KLHL1: variants seen among roughly 807,000 people sequenced by gnomAD.
KLHL1 encodes kelch-like protein 1.
In KLHL1, 47 loss-of-function variants were observed where a neutral mutation model predicts 77.7. The ratio of observed to expected loss-of-function variants is 0.60; its 90% confidence interval spans 0.48 to 0.77. The LOEUF (loss-of-function observed/expected upper bound fraction) is 0.77, where lower values mean the gene tolerates loss of function less well. KLHL1 is among the 30% of genes least tolerant of loss of function. The probability of loss-of-function intolerance (pLI) is 0.00; values close to 1 mark genes in which losing one functional copy is unlikely to be tolerated. For synonymous variants in KLHL1, 360 were observed against 325.2 expected, an observed-to-expected ratio of 1.11 and a Z score of -1.15; for missense variants, 925 against 910.8, an observed-to-expected ratio of 1.02 and a Z score of -0.20.
At chr13:69,824,832 C>T (rs1878481184) in intron 6 of KLHL1, among the ~76,000 whole-genome samples, 1 of 152,048 alleles carries the variant, frequency 6.6e-6, no homozygotes, top group Non-Finnish European at 1.5e-5. Flanking sequence ...GTTTGGGTTA[C>T]ATACCTGTAT....
At chr13:69,982,437 A>AAATAAT (rs34183465) in intron 1 of KLHL1, among the ~76,000 whole-genome samples, 15,396 of 135,528 alleles carry the variant, frequency 0.11, 947 homozygotes, top group Admixed American at 0.14. Flanking sequence ...CTCCATCTCC[A>AAATAAT]AATAATAATA....
rs1357528345 is a variant in KLHL1 at position 70,084,181 on chromosome 13, ATACACACACATG to A, written c.497+23010_497+23021del. On this transcript the variant is annotated intron_variant, in intron 1 of 10. Transcript: ENST00000377844. ...AATCATGAGGAAGGTACTTTAAATT[ATACACACACATG>A]TACACACACAGTAAATTAATCTGTT... Among the ~76,000 whole-genome samples, 5 of 152,186 alleles carry A rather than the reference ATACACACACATG, an allele frequency of 3.3e-5. No homozygotes were observed. The East Asian group carries it at 9.6e-4, about 29-fold the overall frequency.
chr13:69,912,760 C>A (rs974584582), intron 4 of KLHL1, among the ~76,000 whole-genome samples: 39 of 152,036 alleles, frequency 2.6e-4, no homozygotes, highest in Non-Finnish European at 3.5e-4. Context: ...TGTCGTCTAG[C>A]CTTTTCTTTT....
At chr13:70,000,548 T>C (rs1885263190) in intron 1 of KLHL1, among the ~76,000 whole-genome samples, 2 of 151,946 alleles carry the variant, frequency 1.3e-5, no homozygotes, top group Non-Finnish European at 2.9e-5. Flanking sequence ...GTATTTGGAA[T>C]ATTAATACAA....
intron 1 of KLHL1, among the ~76,000 whole-genome samples, chr13:70,005,986 A>T (rs1885396335): frequency 6.6e-6 from 1 of 151,940 alleles, no homozygotes; most frequent in Non-Finnish European, 1.5e-5. Flanking sequence ...CTAAAACTTT[A>T]CTTCTATTTA....
At chr13:69,781,517 A>G (rs547471082) in intron 7 of KLHL1, among the ~76,000 whole-genome samples, 4 of 152,242 alleles carry the variant, frequency 2.6e-5, no homozygotes, top group African/African-American at 7.2e-5. Flanking sequence ...CAAAAGCCTC[A>G]TATCCATCTG....
intron 9 of KLHL1, among the ~76,000 whole-genome samples, chr13:69,715,191 T>C (rs1876062214): frequency 6.6e-6 from 1 of 152,156 alleles, no homozygotes; most frequent in Non-Finnish European, 1.5e-5. Flanking sequence ...TAGCATAGAA[T>C]CCTTGATATG....
intron 6 of KLHL1, among the ~76,000 whole-genome samples, chr13:69,833,770 T>C (rs1181009818): frequency 9.2e-5 from 13 of 140,738 alleles, no homozygotes; most frequent in African/African-American, 3.5e-4. Flanking sequence ...TATATATACA[T>C]ACATACATAC....
chr13:69,736,064 G>A (rs1387015220), intron 8 of KLHL1, among the ~76,000 whole-genome samples: 2 of 152,066 alleles, frequency 1.3e-5, no homozygotes, highest in Non-Finnish European at 2.9e-5. Context: ...AAAAAGTTCT[G>A]CACAGCAAAA....
intron 1 of KLHL1, among the ~76,000 whole-genome samples, chr13:70,083,482 G>T (rs1055145734): frequency 9.2e-5 from 14 of 152,226 alleles, no homozygotes; most frequent in African/African-American, 3.4e-4. Context: ...ATTTCTGAAG[G>T]AGAATGAGAT....
intron 1 of KLHL1, among the ~76,000 whole-genome samples, chr13:70,035,960 G>C (rs986881061): frequency 6.6e-6 from 1 of 152,026 alleles, no homozygotes; most frequent in Non-Finnish European, 1.5e-5. Flanking sequence ...TAGCAATTAT[G>C]TAATACATTA....
At chr13:69,739,585 C>A (rs759451983) in intron 8 of KLHL1, among the ~76,000 whole-genome samples, 5 of 152,204 alleles carry the variant, frequency 3.3e-5, no homozygotes, top group South Asian at 2.1e-4. Flanking sequence ...CAGAAAAAAG[C>A]AGGGGTTGCA....
intron 1 of KLHL1, among the ~76,000 whole-genome samples, chr13:70,016,899 C>A (rs1336849302): frequency 6.6e-6 from 1 of 152,080 alleles, no homozygotes; most frequent in African/African-American, 2.4e-5. Context: ...CCTTTCTGAG[C>A]CCATAAAAAC....
At chr13:69,812,096 T>G (rs548517010) in intron 6 of KLHL1, among the ~76,000 whole-genome samples, 15 of 152,302 alleles carry the variant, frequency 9.8e-5, no homozygotes, top group African/African-American at 3.6e-4. Context: ...GATTCTGGTA[T>G]GTTGTGTCTT....
intron 1 of KLHL1, among the ~76,000 whole-genome samples, chr13:70,033,303 G>T (rs1219831953): frequency 1.3e-5 from 2 of 151,916 alleles, no homozygotes; most frequent in East Asian, 1.9e-4. Context: ...GTTTTGTTTT[G>T]TTTTGAGACA....
At chr13:69,834,303 T>C (rs1266614063) in intron 6 of KLHL1, among the ~76,000 whole-genome samples, 5 of 151,838 alleles carry the variant, frequency 3.3e-5, no homozygotes, top group Non-Finnish European at 7.4e-5. Flanking sequence ...TAAATATATA[T>C]ATATATGTAT....
chr13:69,827,836 C>CAACAACAACAACA, intron 6 of KLHL1, among the ~76,000 whole-genome samples: 2 of 150,316 alleles, frequency 1.3e-5, no homozygotes, highest in Non-Finnish European at 3.0e-5. Context: ...GAATTACACA[C>CAACAACAACAACA]AATCCTGATT....
chr13:69,974,057 G>C (rs908157158), intron 2 of KLHL1, among the ~76,000 whole-genome samples: 6 of 151,822 alleles, frequency 4.0e-5, no homozygotes, highest in Admixed American at 3.3e-4. Flanking sequence ...TTGTGGTCTC[G>C]TGCTACCCGA....
intron 1 of KLHL1, among the ~76,000 whole-genome samples, chr13:70,066,475 A>G (rs1176377936): frequency 6.6e-6 from 1 of 152,230 alleles, no homozygotes; most frequent in Non-Finnish European, 1.5e-5. Flanking sequence ...TATACAGGTC[A>G]ATGAGTTATG....
Sources: gnomAD v4.1 joint callset for allele counts (sites outside exome capture counted in the v4.1 genomes callset) on GRCh38, gnomAD v4.1.1 for gene constraint, MANE v1.5 for transcripts, NCBI Gene and HGNC (gene_info 2026-07-23, HGNC 2026-07-21) for gene names.